The following CDKL1 variants were observed in gnomAD, a reference collection of about 807,000 sequenced individuals.
CDKL1 encodes the protein cyclin dependent kinase like 1, also known as cyclin-dependent kinase-like 1.
In CDKL1, 41 loss-of-function variants were observed where a neutral mutation model predicts 42.0. The observed-to-expected ratio is 0.98, with a 90% CI of 0.76 to 1.27. The LOEUF is 1.27. Among genes scored for constraint, CDKL1 ranks in the 50% most tolerant of loss-of-function variants. The pLI is 0.00. For synonymous variants in CDKL1, 153 were observed against 158.6 expected (o/e 0.96, Z 0.26); for missense variants, 394 against 428.4 (o/e 0.92, Z 0.71).
chr14:50,335,796 C>G, intron 7 of CDKL1: 4 of 985,334 alleles, frequency 4.1e-6, no homozygotes, highest in Non-Finnish European at 4.8e-6. Context: ...CCAGCTTTCA[C>G]AGTACAGTAT....
At chr14:50,349,619 C>T (rs1179210207) in intron 3 of CDKL1, among the ~76,000 whole-genome samples, 1 of 152,150 alleles carries the variant, frequency 6.6e-6, no homozygotes, top group Non-Finnish European at 1.5e-5. Context: ...CTGCCTCATG[C>T]AATCTTAAAT....
At chr14:50,397,079 G>A (rs767665309), upstream of CDKL1, 3 of 1,344,160 alleles carry the variant, frequency 2.2e-6, no homozygotes, top group Non-Finnish European at 2.0e-6. Context: ...TCCTGCTGCC[G>A]GGAGAGCAGA....
At chr14:50,339,800 A>G (rs908978476) in intron 6 of CDKL1, among the ~76,000 whole-genome samples, 24 of 152,134 alleles carry the variant, frequency 1.6e-4, no homozygotes, top group African/African-American at 4.6e-4. Flanking sequence ...GTAAAATTCT[A>G]TATTACACTT....
chr14:50,359,797 T>TAAAAAAAAAAAA (rs10672836), intron 2 of CDKL1, among the ~76,000 whole-genome samples: 3 of 120,894 alleles, frequency 2.5e-5, no homozygotes, highest in African/African-American at 9.5e-5. Context: ...GTGTCTAGAT[T>TAAAAAAAAAAAA]AAAAAAAAAA....
At chr14:50,381,865 T>C (rs1374954891) in intron 2 of CDKL1, among the ~76,000 whole-genome samples, 1 of 151,906 alleles carries the variant, frequency 6.6e-6, no homozygotes, top group Non-Finnish European at 1.5e-5. Context: ...CTGGAACTCC[T>C]GGGCTCAAGC....
intron 2 of CDKL1, among the ~76,000 whole-genome samples, chr14:50,361,516 T>C (rs1336241651): frequency 6.6e-6 from 1 of 152,242 alleles, no homozygotes; most frequent in Non-Finnish European, 1.5e-5. Flanking sequence ...GTGCTGGCAC[T>C]GGTGTCTGCG....
rs779829391 is a variant in CDKL1 at position 50,341,460 on chromosome 14, G to T, written c.455-228C>A. Among the ~76,000 whole-genome samples, 61 of 69,488 alleles carry T rather than the reference G, an allele frequency of 8.8e-4. 3 individuals carry two copies. The highest frequency in any genetic ancestry group is 2.4e-3 in the African/African-American group (19 of 8,066). The allele number at this position is 69,488 out of a possible 152,430, so 45.6% of individuals were successfully genotyped here. On this transcript the variant is annotated intron_variant, in intron 5 of 9. Transcript: ENST00000395834. ...ACAGAATCCCTGGGGAGGGTCTGGG[G>T]GGGGGGGGGGGGTTATTTGGCTTAG... is the stretch of plus-strand genomic sequence containing the variant.
chr14:50,390,116 C>T, intron 2 of CDKL1: 1 of 1,355,390 alleles, frequency 7.4e-7, no homozygotes, highest in Non-Finnish European at 9.9e-7. Flanking sequence ...TTTACTAGGT[C>T]CCTTGCCCCT....
At chr14:50,358,305 C>T (rs1279911297) in intron 3 of CDKL1, among the ~76,000 whole-genome samples, 8 of 152,156 alleles carry the variant, frequency 5.3e-5, no homozygotes, top group East Asian at 1.9e-4. Context: ...GAGTAGACAC[C>T]CGGATTGCTT....
chr14:50,348,740 G>A (rs1384442870), intron 3 of CDKL1, among the ~76,000 whole-genome samples: 2 of 152,098 alleles, frequency 1.3e-5, no homozygotes, highest in South Asian at 2.1e-4. Context: ...ACTATATGAT[G>A]CCCAAGAAAA....
Position 50,365,221 on chromosome 14 carries a change from G to A in CDKL1, c.169-6072C>T, listed in dbSNP as rs547626828. On this transcript the variant is annotated intron_variant, in intron 2 of 9. Transcript: ENST00000395834. ...TATGACAGTATTTTTACCATATTAT[G>A]GCCAGCTTTAAGGAGCCTATAGACA... Among the ~76,000 whole-genome samples, 5 of 152,168 alleles carry A rather than the reference G, an allele frequency of 3.3e-5. No homozygotes were observed. In the South Asian group the frequency reaches 1.0e-3, roughly 32 times the overall value.
At chr14:50,380,164 C>G (rs766248429) in intron 2 of CDKL1, 16 of 531,006 alleles carry the variant, frequency 3.0e-5, no homozygotes, top group African/African-American at 2.9e-4. Flanking sequence ...GGGCCAAACA[C>G]AAGCTCCTGA....
At chr14:50,392,584 G>A (rs1160749478) in intron 2 of CDKL1, among the ~76,000 whole-genome samples, 3 of 151,738 alleles carry the variant, frequency 2.0e-5, no homozygotes, top group African/African-American at 7.3e-5. Flanking sequence ...ACCCCCAAAG[G>A]CTGGGTACAC....
chr14:50,330,244 A>G, intron 9 of CDKL1, 63 bp from the exon 10 acceptor site: 1 of 1,553,338 alleles, frequency 6.4e-7, no homozygotes, highest in Admixed American at 2.3e-5. Context: ...CATTATTTAG[A>G]ATATATCACA....
At chr14:50,337,636 T>C (rs915090336) in intron 7 of CDKL1, among the ~76,000 whole-genome samples, 3 of 151,886 alleles carry the variant, frequency 2.0e-5, no homozygotes, top group Admixed American at 2.0e-4. Context: ...ATTATAGGTG[T>C]GGGCCACCGC....
rs565660836 is a variant in CDKL1, at chr14:50,349,013, C to A, written c.291-3955G>T. Among the ~76,000 whole-genome samples the A allele has an allele frequency of 2.9e-3, 441 of 152,092 alleles. 2 individuals are homozygous for A. The highest frequency in any genetic ancestry group is 5.2e-3 in the Non-Finnish European group (355 of 67,966). On this transcript the variant is annotated intron_variant, in intron 3 of 9. Coordinates refer to ENST00000395834, the MANE Select transcript of CDKL1 (RefSeq NM_004196.7). ...ACAGGAAGTCAATAACAAAACAATTCAAAAATTTTTTTCTGAGGCAGAAAA... is the reference window on the plus strand; with the variant it reads ...ACAGGAAGTCAATAACAAAACAATTAAAAAATTTTTTTCTGAGGCAGAAAA...
chr14:50,365,508 T>A (rs978842843), intron 2 of CDKL1, among the ~76,000 whole-genome samples: 1 of 152,216 alleles, frequency 6.6e-6, no homozygotes, highest in East Asian at 1.9e-4. Context: ...TAACTTTCAC[T>A]GGGTTGCCAG....
At chr14:50,364,663 A>G (rs1026427522) in intron 2 of CDKL1, among the ~76,000 whole-genome samples, 5 of 152,188 alleles carry the variant, frequency 3.3e-5, no homozygotes, top group Admixed American at 1.3e-4. Flanking sequence ...TCAGTTTTCC[A>G]TCTGTAAGAG....
intron 2 of CDKL1, chr14:50,390,164 C>T (rs61981931): frequency 0.044 from 60,009 of 1,365,544 alleles, 1,472 homozygotes; most frequent in Non-Finnish European, 0.05. Context: ...TTCTCTTTGT[C>T]TCACTTGTTT....
Sources: gnomAD v4.1 joint callset for allele counts (sites outside exome capture counted in the v4.1 genomes callset) on GRCh38, gnomAD v4.1.1 for gene constraint, MANE v1.5 for transcripts, NCBI Gene and HGNC (gene_info 2026-07-23, HGNC 2026-07-21) for gene names.